The following GABRA1 variants were observed in gnomAD, a reference collection of about 807,000 sequenced individuals.
The protein encoded by GABRA1 is gamma-aminobutyric acid type A receptor subunit alpha1.
Under a neutral mutation model 48.9 loss-of-function variants are expected in GABRA1, and 9 were observed. That is an observed-to-expected ratio of 0.18 (90% confidence interval 0.11 to 0.32). The LOEUF is 0.32. GABRA1 is among the 10% of genes least tolerant of loss of function. GABRA1 has a pLI of 1.00. For missense variants in GABRA1, 285 were observed against 553.8 expected, an observed-to-expected ratio of 0.51 and a Z score of 4.87; for synonymous variants, 210 against 198.7, an observed-to-expected ratio of 1.06 and a Z score of -0.48.
intron 6 of GABRA1, among the ~76,000 whole-genome samples, chr5:161,876,314 G>A (rs1754351032): frequency 6.6e-6 from 1 of 152,064 alleles, no homozygotes; most frequent in Non-Finnish European, 1.5e-5. Context: ...ATGACTGTGA[G>A]AGTCAGGTTC....
intron 7 of GABRA1, among the ~76,000 whole-genome samples, chr5:161,883,462 G>A (rs1754706184): frequency 6.6e-6 from 1 of 152,046 alleles, no homozygotes; most frequent in African/African-American, 2.4e-5. Context: ...TTATTCAAGT[G>A]TCCATTTTGT....
In GABRA1 at chr5:161,862,734, C is replaced by T. The variant is rs185962769; in HGVS notation, c.188-2987C>T. Among the ~76,000 whole-genome samples the T allele has an allele frequency of 3.4e-4, 52 of 152,044 alleles. No individual in the cohort carries two copies. The East Asian group carries it at 7.8e-3, about 23-fold the overall frequency. On this transcript the variant is annotated intron_variant, in intron 3 of 9. Transcript: ENST00000393943. ...TGGCACATAGAAAATGTTTAATAAA[C>T]ATTTATTACTAAATTAATGTACGCA...
intron 8 of GABRA1, 133 bp downstream of exon 8, chr5:161,891,183 G>T (rs970282097): frequency 1.2e-6 from 1 of 843,084 alleles, no homozygotes; most frequent in Non-Finnish European, 2.0e-6. Flanking sequence ...AAGTTTCAAG[G>T]AATTGCCACT....
In GABRA1 at chr5:161,882,684, T is replaced by C; in HGVS notation, c.686T>C (p.Ile229Thr). Residue 229 changes from isoleucine to threonine, a missense_variant, in exon 7 of 10, where the codon ATT (isoleucine) becomes ACT (threonine). Coordinates refer to ENST00000393943, the MANE Select transcript of GABRA1 (RefSeq NM_001127644.2). ...DLLGQTVDSG[I>T]VQSSTGEYVV... ...CTTGGACAAACAGTAGACTCTGGAATTGTCCAGTCAAGTACAGGTAAGTAC... is the reference window on the plus strand; with the variant it reads ...CTTGGACAAACAGTAGACTCTGGAACTGTCCAGTCAAGTACAGGTAAGTAC... 1.2e-6 allele frequency: 2 copies of C among 1,613,578 alleles called. No individual in the cohort carries two copies. Among genetic ancestry groups the C allele is most frequent in the Non-Finnish European group, 1.7e-6 (2 of 1,179,690 alleles).
chr5:161,863,033 A>T lies in GABRA1; in HGVS notation c.188-2688A>T, dbSNP rs1022484732. On this transcript the variant is annotated intron_variant, in intron 3 of 9. Transcript: ENST00000393943. ...TCCAGTACTAATCTCATCTTTTTGA[A>T]TTATCGCTTCAAAACATATGTTATT... Among the ~76,000 whole-genome samples, 4 of 151,894 alleles carry T rather than the reference A, an allele frequency of 2.6e-5. No homozygotes were observed. In the East Asian group the frequency reaches 7.8e-4, roughly 29 times the overall value.
intron 4 of GABRA1, 100 bp downstream of exon 4, chr5:161,865,888 T>A (rs1429678426): frequency 2.2e-6 from 2 of 919,538 alleles, no homozygotes; most frequent in Non-Finnish European, 1.8e-6. Flanking sequence ...ACCTGAAAAG[T>A]CTTGGCTATA....
intron 3 of GABRA1, among the ~76,000 whole-genome samples, chr5:161,860,415 A>T (rs1010483260): frequency 4.6e-5 from 7 of 151,588 alleles, no homozygotes; most frequent in African/African-American, 7.3e-5. Context: ...TTATTAGTGG[A>T]AATTAAAAAT....
At chr5:161,861,041 G>T (rs1392124619) in intron 3 of GABRA1, among the ~76,000 whole-genome samples, 1 of 151,688 alleles carries the variant, frequency 6.6e-6, no homozygotes, top group Non-Finnish European at 1.5e-5. Flanking sequence ...AATCTCATTT[G>T]CTATACGTCA....
intron 9 of GABRA1, among the ~76,000 whole-genome samples, chr5:161,896,289 C>G (rs368312218): frequency 6.6e-6 from 1 of 152,066 alleles, no homozygotes; most frequent in Non-Finnish European, 1.5e-5. Context: ...AAATGTATAA[C>G]CATAATGCCT....
rs762221685 is a variant in GABRA1, at chr5:161,865,711, G to T, written c.188-10G>T. 6.2e-7 allele frequency: 1 copy of T among 1,612,306 alleles called. No individual in the cohort carries two copies. Among genetic ancestry groups the T allele is most frequent in the Non-Finnish European group, 8.5e-7 (1 of 1,178,606 alleles). On this transcript the variant is annotated splice_polypyrimidine_tract_variant and intron_variant, in intron 3 of 9. Transcript: ENST00000393943. Reference sequence around the variant, plus strand: ...CAGACACTCACTCGCCCAATTTCCTGCTTCAACAGAGCGTGTAACCGAAGT... The same window carrying T: ...CAGACACTCACTCGCCCAATTTCCTTCTTCAACAGAGCGTGTAACCGAAGT...
intron 4 of GABRA1, among the ~76,000 whole-genome samples, chr5:161,871,784 G>A (rs1331270958): frequency 6.6e-6 from 1 of 152,144 alleles, no homozygotes; most frequent in Non-Finnish European, 1.5e-5. Context: ...TGTCTACAAA[G>A]ACAGTCTGTC....
chr5:161,893,265 G>C (rs1331014743), intron 8 of GABRA1, among the ~76,000 whole-genome samples: 2 of 151,858 alleles, frequency 1.3e-5, no homozygotes, highest in African/African-American at 4.8e-5. Context: ...ACAGACTCAT[G>C]GCCTTTGATG....
chr5:161,875,847 G>A (rs992251058), intron 6 of GABRA1, among the ~76,000 whole-genome samples: 1 of 152,120 alleles, frequency 6.6e-6, no homozygotes, highest in African/African-American at 2.4e-5. Context: ...TACTGAACTA[G>A]AAAGCATGGA....
At chr5:161,876,197 A>ATC (rs1754345994) in intron 6 of GABRA1, among the ~76,000 whole-genome samples, 1 of 151,912 alleles carries the variant, frequency 6.6e-6, no homozygotes, top group South Asian at 2.1e-4. Context: ...ATATATATAT[A>ATC]TATTAGTGCT....
In GABRA1 at chr5:161,896,970, A is replaced by G. The variant is rs1755395806; in HGVS notation, c.1060-141A>G. The stretch of plus-strand genomic sequence containing the variant: ...GCCTGCATTTTTAATTTATTATAAT[A>G]AGACAGGCATAAATTATGTTTTTAA... On this transcript the variant is annotated intron_variant, in intron 9 of 9. Transcript: ENST00000393943. The G allele has an allele frequency of 4.2e-6, 3 of 715,390 alleles. No homozygotes were observed. The East Asian group carries it at 7.6e-5, about 18-fold the overall frequency. The allele number at this position is 715,390 out of a possible 1,614,324, so 44.3% of individuals were successfully genotyped here. A position where few individuals can be genotyped will look rare whatever the true frequency, so the allele number is the denominator to read the frequency against.
At chr5:161,889,482 A>G (rs991941376) in intron 7 of GABRA1, among the ~76,000 whole-genome samples, 1 of 152,076 alleles carries the variant, frequency 6.6e-6, no homozygotes, top group Admixed American at 6.6e-5. Flanking sequence ...TTTCTTCCAT[A>G]GGACAATAAT....
At chr5:161,851,423 T>A (rs1757442078) in intron 2 of GABRA1, among the ~76,000 whole-genome samples, 2 of 152,132 alleles carry the variant, frequency 1.3e-5, no homozygotes, top group Admixed American at 1.3e-4. Flanking sequence ...ATTTAAGAAC[T>A]TTGGTAAAAT....
In GABRA1 at chr5:161,870,946, C is replaced by CTGTGTG. The variant is rs59726286; in HGVS notation, c.256-2126_256-2121dup. On this transcript the variant is annotated intron_variant, in intron 4 of 9. Coordinates refer to ENST00000393943, the MANE Select transcript of GABRA1 (RefSeq NM_001127644.2). ...TGAAGATTAACCAGCGAGTGTTGCTCTGTGTGTGTGTGTGTGTGTGTGTGT... is the reference window on the plus strand; with the variant it reads ...TGAAGATTAACCAGCGAGTGTTGCTCTGTGTGTGTGTGTGTGTGTGTGTGTGTGTGT... Among the ~76,000 whole-genome samples the CTGTGTG allele has an allele frequency of 2.9e-3, 405 of 141,490 alleles. 5 individuals are homozygous for CTGTGTG. The highest frequency in any genetic ancestry group is 0.01 in the African/African-American group (369 of 36,508). The allele number at this position is 141,490 out of a possible 152,430, so 92.8% of individuals were successfully genotyped here.
At chr5:161,884,452 G>A (rs1242183856) in intron 7 of GABRA1, among the ~76,000 whole-genome samples, 1 of 152,122 alleles carries the variant, frequency 6.6e-6, no homozygotes, top group Non-Finnish European at 1.5e-5. Context: ...GACCACATCT[G>A]TCTTCTCTAT....
Sources: allele counts gnomAD v4.1 joint callset (sites outside exome capture counted in the v4.1 genomes callset), GRCh38; gene constraint gnomAD v4.1.1; transcripts MANE v1.5; gene names NCBI Gene and HGNC (gene_info 2026-07-23, HGNC 2026-07-21).